The following WDR45 variants were observed in gnomAD, a reference collection of about 807,000 sequenced individuals.
WDR45 encodes WD repeat domain phosphoinositide-interacting protein 4.
A neutral mutation model predicts 27.3 loss-of-function variants in WDR45; 2 were observed. That is an observed-to-expected ratio of 0.07 (90% confidence interval 0.03 to 0.23). The LOEUF is 0.23. Ranked by LOEUF, WDR45 falls within the 10% of genes least tolerant of loss-of-function variation. The pLI is 1.00. For synonymous variants in WDR45, 99 were observed against 119.2 expected (o/e 0.83, Z 1.11); for missense variants, 175 against 311.9 (o/e 0.56, Z 3.31).
Position 49,076,544 on chromosome X carries a change from C to G in WDR45, c.342-20G>C. The G allele has an allele frequency of 3.3e-6, 4 of 1,210,398 alleles. No homozygotes were observed. The highest frequency in any genetic ancestry group is 4.5e-6 in the Non-Finnish European group (4 of 894,046). On this transcript the variant is annotated intron_variant, in intron 5 of 10. Transcript: ENST00000376372. Reference sequence around the variant, plus strand: ...ACGATCCTGTGGGTATCACACAACACAGGATGGCCGTGAGGGGGTGGCGGG... The same window carrying G: ...ACGATCCTGTGGGTATCACACAACAGAGGATGGCCGTGAGGGGGTGGCGGG...
chrX:49,080,443 T>G (rs2065061640), upstream of WDR45: 1 of 111,928 alleles, frequency 8.9e-6, no homozygotes. Flanking sequence ...TTTTGTGTTT[T>G]GTTTAGTTTT....
At chrX:49,091,612 G>A (rs2065105893) in intron 2 of WDR45, among the ~76,000 whole-genome samples, 1 of 99,459 alleles carries the variant, frequency 1.0e-5, no homozygotes, top group African/African-American at 3.7e-5. Context: ...AGCCGGGCGC[G>A]GTGGCGGGCG....
At position 49,078,026 on chromosome X, in the gene WDR45, C is replaced by T. The variant is rs1557084547; in HGVS notation, c.55+15G>A. The T allele has an allele frequency of 1.7e-6, 2 of 1,212,011 alleles. No individual in the cohort carries two copies. The highest frequency in any genetic ancestry group is 4.3e-5 in the Admixed American group (2 of 46,078). On this transcript the variant is annotated intron_variant, in intron 2 of 10. Coordinates refer to ENST00000376372, the MANE Select transcript of WDR45 (RefSeq NM_001029896.2). Reference sequence around the variant, plus strand: ...CGCTTCCTCCCACAAGGGTACAGGCCCAATCCTCTCTCACTTTGGTCTTGG... The same window carrying T: ...CGCTTCCTCCCACAAGGGTACAGGCTCAATCCTCTCTCACTTTGGTCTTGG...
At position 49,075,214 on chromosome X, in the gene WDR45, T is replaced by A; in HGVS notation, c.895A>T (p.Ser299Cys). 8.3e-7 allele frequency: 1 copy of A among 1,211,721 alleles called. No individual in the cohort carries two copies. Among genetic ancestry groups the A allele is most frequent in the Non-Finnish European group, 1.1e-6 (1 of 895,462 alleles). ...GCTGACTCAGCAGGCACAGTGAAGCTCGCCAGGCTCCACTGAGAGTCCACG... is the reference window on the plus strand; with the variant it reads ...GCTGACTCAGCAGGCACAGTGAAGCACGCCAGGCTCCACTGAGAGTCCACG... ...QYVDSQWSLA[S>C]FTVPAESACI... Residue 299 changes from serine to cysteine, a missense_variant, in exon 10 of 11, where the codon AGC becomes TGC. Ser to Cys is a moderately radical substitution (Grantham distance 112). Coordinates refer to ENST00000376372, the MANE Select transcript of WDR45 (RefSeq NM_001029896.2).
intron 2 of WDR45, among the ~76,000 whole-genome samples, chrX:49,090,521 C>T (rs1198866808): frequency 1.8e-5 from 2 of 111,559 alleles, no homozygotes; most frequent in Admixed American, 9.6e-5. Flanking sequence ...AAACATGGAA[C>T]AAACCTGGTG....
At chrX:49,087,624 G>A (rs1454583917) in intron 2 of WDR45, among the ~76,000 whole-genome samples, 1 of 112,408 alleles carries the variant, frequency 8.9e-6, no homozygotes, top group African/African-American at 3.2e-5. Flanking sequence ...TAAGATATAG[G>A]GCTCAGGGGA....
intron 2 of WDR45, among the ~76,000 whole-genome samples, chrX:49,091,232 G>A (rs2065103984): frequency 9.4e-6 from 1 of 106,819 alleles, no homozygotes; most frequent in East Asian, 3.0e-4. Context: ...CTTGAGCTCA[G>A]GAGTTCAAGA....
upstream of WDR45, among the ~76,000 whole-genome samples, chrX:49,080,735 G>T (rs1379856496): frequency 9.3e-6 from 1 of 107,509 alleles, no homozygotes; most frequent in Non-Finnish European, 1.9e-5. Flanking sequence ...AAGCTACCAC[G>T]CCCGGCCTCT....
chrX:49,089,833 C>CT (rs2065098641), intron 2 of WDR45, among the ~76,000 whole-genome samples: 1 of 105,381 alleles, frequency 9.5e-6, no homozygotes, highest in Admixed American at 1.0e-4. Flanking sequence ...AAGTACTGTA[C>CT]TTATACGTGT....
chrX:49,077,473 C>G, intron 4 of WDR45, 170 bp downstream of exon 4: 1 of 500,927 alleles, frequency 2.0e-6, no homozygotes, highest in African/African-American at 2.4e-5. Flanking sequence ...AAAATGAAAA[C>G]AAAGCACCAA....
chrX:49,099,717 C>T (rs956699145), intron 2 of WDR45, among the ~76,000 whole-genome samples: 2 of 107,811 alleles, frequency 1.9e-5, no homozygotes, highest in African/African-American at 7.0e-5. Flanking sequence ...GAAGGTGGAG[C>T]TTGCAGTGAG....
chrX:49,099,321 T>TC (rs1471618078), intron 2 of WDR45, among the ~76,000 whole-genome samples: 1 of 105,528 alleles, frequency 9.5e-6, no homozygotes, highest in African/African-American at 3.7e-5. Context: ...AGACTCCATT[T>TC]CAAAAAAAAA....
At chrX:49,097,104 G>T (rs955690645) in intron 2 of WDR45, among the ~76,000 whole-genome samples, 1 of 86,056 alleles carries the variant, frequency 1.2e-5, no homozygotes, top group Non-Finnish European at 2.4e-5. Context: ...ATACATTGAA[G>T]CACTTTTTTT....
upstream of WDR45, among the ~76,000 whole-genome samples, chrX:49,084,861 C>G (rs973985994): frequency 2.7e-5 from 3 of 111,157 alleles, no homozygotes; most frequent in Admixed American, 9.7e-5. Context: ...TCTTGAACTC[C>G]TGACCTCAGG....
intron 2 of WDR45, among the ~76,000 whole-genome samples, chrX:49,095,711 T>C (rs1210133540): frequency 6.9e-5 from 7 of 101,405 alleles, no homozygotes; most frequent in South Asian, 9.8e-4. Context: ...CCGCCCACCT[T>C]GGCCTCCAAA....
In WDR45 at chrX:49,074,632, A is replaced by G. The variant is rs782472902; in HGVS notation, c.*171T>C. On this transcript the variant is annotated 3_prime_UTR_variant, in exon 11 of 11. Coordinates refer to ENST00000376372, the MANE Select transcript of WDR45 (RefSeq NM_001029896.2). ...TGGCCCTTGGGGCACACAGTCATCA[A>G]GAAGTGCTGGGGGGAAGTGAGCTCT... 2.2e-6 allele frequency: 1 copy of G among 449,287 alleles called. No individual in the cohort carries two copies. The highest frequency in any genetic ancestry group is 3.9e-6 in the Non-Finnish European group (1 of 256,900). 37.0% of individuals were successfully genotyped at this position (449,287 alleles called of 1,213,427 possible).
In WDR45 at chrX:49,089,687, T is replaced by C. The variant is rs782406403; in HGVS notation, c.-18+10518A>G. On this transcript the variant is annotated intron_variant, in intron 2 of 11. Transcript: ENST00000356463. The stretch of plus-strand genomic sequence containing the variant: ...CTGTAGTCCCACCTACTCAGGAGGC[T>C]ATGGCAGGAAGATCGCTTGAGCCTA... Among the ~76,000 whole-genome samples the C allele has an allele frequency of 3.7e-5, 4 of 107,003 alleles. No individual in the cohort carries two copies. The South Asian group carries it at 1.7e-3, about 44-fold the overall frequency. The allele number at this position is 107,003 out of a possible 115,157, so 92.9% of individuals were successfully genotyped here. A position where few individuals can be genotyped will look rare whatever the true frequency, so the allele number is the denominator to read the frequency against.
intron 2 of WDR45, among the ~76,000 whole-genome samples, chrX:49,086,567 C>G (rs1658033472): frequency 9.0e-6 from 1 of 111,344 alleles, no homozygotes; most frequent in Non-Finnish European, 1.9e-5. Context: ...TTACATAGCT[C>G]AGACTGCCCT....
rs960384812 is a variant in WDR45 at position 49,076,888 on chromosome X, G to A, written c.236-138C>T. 63 of 496,823 alleles carry A rather than the reference G, an allele frequency of 1.3e-4. 1 individual carries two copies. The African/African-American group carries it at 1.4e-3, about 11-fold the overall frequency. 40.9% of individuals were successfully genotyped at this position (496,823 alleles called of 1,213,427 possible). On this transcript the variant is annotated intron_variant, in intron 4 of 10. Coordinates refer to ENST00000376372, the MANE Select transcript of WDR45 (RefSeq NM_001029896.2). ...TCAATAAACAACCAGTGAGATCCTC[G>A]CACAGCACGAGCACTTGTGGATATG...
Sources: allele counts gnomAD v4.1 joint callset (sites outside exome capture counted in the v4.1 genomes callset), GRCh38; gene constraint gnomAD v4.1.1; transcripts MANE v1.5; gene names NCBI Gene and HGNC (gene_info 2026-07-23, HGNC 2026-07-21).